The following SPOCK1 variants were observed in gnomAD, a reference collection of about 807,000 sequenced individuals.
SPOCK1 encodes SPARC (osteonectin), cwcv and kazal like domains proteoglycan 1.
Under a neutral mutation model 55.3 loss-of-function variants are expected in SPOCK1, and 23 were observed. That is an observed-to-expected ratio of 0.42 (90% CI 0.30 to 0.59). The LOEUF is 0.59. SPOCK1 is among the 20% of genes least tolerant of loss of function. The probability of loss-of-function intolerance (pLI) is 0.22; values close to 1 mark genes in which losing one functional copy is unlikely to be tolerated. For missense variants in SPOCK1, 499 were observed against 552.5 expected (o/e 0.90, Z 0.97); for synonymous variants, 226 against 221.0 (o/e 1.02, Z -0.20).
intron 3 of SPOCK1, among the ~76,000 whole-genome samples, chr5:137,245,316 A>G (rs4976426): frequency 0.11 from 16,125 of 152,268 alleles, 1,001 homozygotes; most frequent in Admixed American, 0.16. Context: ...TTTGAGAAAA[A>G]TAATTGGTTT....
intron 9 of SPOCK1, among the ~76,000 whole-genome samples, chr5:136,982,070 C>G (rs1348824149): frequency 6.6e-6 from 1 of 152,076 alleles, no homozygotes; most frequent in Non-Finnish European, 1.5e-5. Flanking sequence ...AGGTTTATAC[C>G]TAGGAGCAAT....
At chr5:137,101,295 G>A (rs1325822335) in intron 5 of SPOCK1, among the ~76,000 whole-genome samples, 6 of 152,220 alleles carry the variant, frequency 3.9e-5, no homozygotes, top group Non-Finnish European at 2.9e-5. Flanking sequence ...TTGGTAGGCA[G>A]AGATATCATG....
At chr5:137,404,779 C>G (rs577835038) in intron 2 of SPOCK1, among the ~76,000 whole-genome samples, 3 of 152,052 alleles carry the variant, frequency 2.0e-5, no homozygotes, top group South Asian at 2.1e-4. Context: ...CAGAGTTAAC[C>G]CATGGGTTTG....
At chr5:137,433,247 C>G (rs1429611311) in intron 2 of SPOCK1, among the ~76,000 whole-genome samples, 1 of 152,100 alleles carries the variant, frequency 6.6e-6, no homozygotes, top group Non-Finnish European at 1.5e-5. Context: ...ACAGATGATT[C>G]CAGGTAGAAA....
intron 4 of SPOCK1, among the ~76,000 whole-genome samples, chr5:137,124,225 G>A (rs1246722882): frequency 6.6e-6 from 1 of 152,216 alleles, no homozygotes; most frequent in East Asian, 1.9e-4. Context: ...CAATTAGTTT[G>A]CAGGTGTATC....
At chr5:137,310,992 G>A (rs777381754) in intron 2 of SPOCK1, among the ~76,000 whole-genome samples, 2 of 152,142 alleles carry the variant, frequency 1.3e-5, no homozygotes, top group East Asian at 3.9e-4. Context: ...GAGGGAACAG[G>A]CCTTGGGGAA....
At chr5:137,239,766 A>G (rs1317004307) in intron 3 of SPOCK1, among the ~76,000 whole-genome samples, 2 of 152,240 alleles carry the variant, frequency 1.3e-5, no homozygotes, top group African/African-American at 4.8e-5. Context: ...AGATCAAAAT[A>G]AGACAAGGGA....
chr5:137,261,696 GAATA>G (rs1237196139), intron 3 of SPOCK1, among the ~76,000 whole-genome samples: 1 of 152,158 alleles, frequency 6.6e-6, no homozygotes, highest in East Asian at 1.9e-4. Flanking sequence ...ATTCACTCCA[GAATA>G]AAAAGCATCA....
chr5:137,087,338 ATC>A (rs1248740381), intron 5 of SPOCK1, among the ~76,000 whole-genome samples: 2 of 152,216 alleles, frequency 1.3e-5, no homozygotes, highest in Non-Finnish European at 2.9e-5. Context: ...AAGGCAGTAT[ATC>A]TCTCTGCGCT....
chr5:137,127,837 T>C (rs934583151), intron 4 of SPOCK1, among the ~76,000 whole-genome samples: 2 of 152,200 alleles, frequency 1.3e-5, no homozygotes, highest in Admixed American at 1.3e-4. Flanking sequence ...TGGATTTAGA[T>C]GATATTTAGA....
chr5:137,436,274 AT>A (rs1752863263), intron 2 of SPOCK1, among the ~76,000 whole-genome samples: 1 of 151,958 alleles, frequency 6.6e-6, no homozygotes, highest in Admixed American at 6.6e-5. Context: ...CCTACTTTTC[AT>A]TTTTTATTAT....
chr5:137,101,791 T>C (rs1580751060), intron 5 of SPOCK1, among the ~76,000 whole-genome samples: 1 of 152,184 alleles, frequency 6.6e-6, no homozygotes, highest in Non-Finnish European at 1.5e-5. Context: ...AAGAAATAAA[T>C]GCTGGGAGAA....
intron 2 of SPOCK1, among the ~76,000 whole-genome samples, chr5:137,345,366 T>C (rs1408197136): frequency 1.3e-5 from 2 of 152,210 alleles, no homozygotes; most frequent in Non-Finnish European, 2.9e-5. Flanking sequence ...GTTTATGGGG[T>C]GAGCCTGTGT....
At chr5:137,155,512 A>C (rs1224526144) in intron 3 of SPOCK1, among the ~76,000 whole-genome samples, 1 of 152,236 alleles carries the variant, frequency 6.6e-6, no homozygotes, top group Non-Finnish European at 1.5e-5. Context: ...GTCACGCTGG[A>C]AACTGATACA....
At chr5:137,336,845 A>T (rs1056184438) in intron 2 of SPOCK1, among the ~76,000 whole-genome samples, 13 of 152,158 alleles carry the variant, frequency 8.5e-5, no homozygotes, top group African/African-American at 3.1e-4. Flanking sequence ...GGAATTAAAC[A>T]TTTTTTTCAG....
At chr5:137,245,167 A>G (rs945032670) in intron 3 of SPOCK1, among the ~76,000 whole-genome samples, 3 of 152,226 alleles carry the variant, frequency 2.0e-5, no homozygotes, top group African/African-American at 7.2e-5. Flanking sequence ...GGAGAAAATA[A>G]ATATTATTGG....
chr5:137,141,914 T>C (rs1209279991), intron 3 of SPOCK1, among the ~76,000 whole-genome samples: 1 of 152,136 alleles, frequency 6.6e-6, no homozygotes, highest in Non-Finnish European at 1.5e-5. Context: ...TATTGCAACA[T>C]TTCCTGGAAT....
At chr5:137,122,282 G>A (rs1210290947) in intron 4 of SPOCK1, among the ~76,000 whole-genome samples, 1 of 124,536 alleles carries the variant, frequency 8.0e-6, no homozygotes, top group Non-Finnish European at 1.8e-5. Context: ...CACACACACA[G>A]AGGCACTCTC....
chr5:137,043,482 A>C (rs78955141), intron 6 of SPOCK1, among the ~76,000 whole-genome samples: 1,707 of 152,256 alleles, frequency 0.011, 29 homozygotes, highest in African/African-American at 0.039. Flanking sequence ...TGGTGTAGAA[A>C]TGGGGTAAAA....
Sources: allele counts gnomAD v4.1 joint callset (sites outside exome capture counted in the v4.1 genomes callset), GRCh38; gene constraint gnomAD v4.1.1; transcripts MANE v1.5; gene names NCBI Gene and HGNC (gene_info 2026-07-23, HGNC 2026-07-21).